The following TOGARAM1 variants were observed in gnomAD, a reference collection of about 807,000 sequenced individuals.
TOGARAM1 encodes the protein TOG array regulator of axonemal microtubules protein 1.
Under a neutral mutation model 166.6 loss-of-function variants are expected in TOGARAM1, and 100 were observed. That is an observed-to-expected ratio of 0.60 (90% CI 0.51 to 0.71). The LOEUF is 0.71. TOGARAM1 is among the 30% of genes least tolerant of loss of function. The probability of loss-of-function intolerance (pLI) is 0.00; values close to 1 mark genes in which losing one functional copy is unlikely to be tolerated. For missense variants in TOGARAM1, 2,029 were observed against 2,102.7 expected (o/e 0.96, Z 0.69); for synonymous variants, 758 against 763.8 (o/e 0.99, Z 0.13).
chr14:44,987,247 T>G (rs1215359040), intron 1 of TOGARAM1, among the ~76,000 whole-genome samples: 1 of 151,840 alleles, frequency 6.6e-6, no homozygotes, highest in Non-Finnish European at 1.5e-5. Context: ...CCATAACATT[T>G]TTTTTTCTTA....
intron 3 of TOGARAM1, among the ~76,000 whole-genome samples, chr14:45,001,301 T>C (rs964951432): frequency 6.6e-5 from 10 of 152,340 alleles, no homozygotes; most frequent in Non-Finnish European, 1.0e-4. Context: ...ATAAAACTGC[T>C]AGAAGAAAAC....
At chr14:45,042,578 T>C (rs1881780616) in intron 11 of TOGARAM1, among the ~76,000 whole-genome samples, 1 of 152,160 alleles carries the variant, frequency 6.6e-6, no homozygotes, top group African/African-American at 2.4e-5. Flanking sequence ...ATCTATATTA[T>C]AATTGTATAA....
chr14:44,981,466 G>A (rs1039399057), intron 1 of TOGARAM1, among the ~76,000 whole-genome samples: 3 of 152,306 alleles, frequency 2.0e-5, no homozygotes, highest in Middle Eastern at 3.4e-3. Flanking sequence ...GGAGTTTCAA[G>A]GAGTCATCAG....
At chr14:45,055,884 C>T (rs887566547) in intron 16 of TOGARAM1, among the ~76,000 whole-genome samples, 1 of 141,040 alleles carries the variant, frequency 7.1e-6, no homozygotes, top group Non-Finnish European at 1.5e-5. Flanking sequence ...CAGTGAGCCA[C>T]GAATTTTAGG....
At chr14:44,994,251 T>TAGG (rs1478298156) in intron 1 of TOGARAM1, among the ~76,000 whole-genome samples, 2 of 152,114 alleles carry the variant, frequency 1.3e-5, no homozygotes, top group African/African-American at 4.8e-5. Flanking sequence ...CCCGAGTAGC[T>TAGG]AGGACTACAG....
chr14:44,995,700 G>A (rs761113576), intron 1 of TOGARAM1, 46 bp from the exon 2 acceptor site: 4 of 1,346,254 alleles, frequency 3.0e-6, no homozygotes. Context: ...TTTATTACCA[G>A]GAAGAATTAA....
chr14:44,973,993 T>C (rs995717126), intron 1 of TOGARAM1, among the ~76,000 whole-genome samples: 2 of 151,852 alleles, frequency 1.3e-5, no homozygotes, highest in African/African-American at 4.8e-5. Flanking sequence ...TGCCTAGGTG[T>C]AGTTTTTCTG....
chr14:45,040,337 CTAT>C (rs1881664818), intron 11 of TOGARAM1, among the ~76,000 whole-genome samples: 1 of 152,060 alleles, frequency 6.6e-6, no homozygotes, highest in African/African-American at 2.4e-5. Flanking sequence ...AGTATAACAC[CTAT>C]ATTAGAAAAG....
chr14:45,006,398 A>T (rs1879433706), intron 5 of TOGARAM1, 131 bp downstream of exon 5: 1 of 649,084 alleles, frequency 1.5e-6, no homozygotes, highest in Non-Finnish European at 2.5e-6. Context: ...ATTATAGAAA[A>T]TGTGGAAAAT....
At chr14:45,019,987 T>C (rs1880401228) in intron 7 of TOGARAM1, among the ~76,000 whole-genome samples, 1 of 151,904 alleles carries the variant, frequency 6.6e-6, no homozygotes, top group Non-Finnish European at 1.5e-5. Flanking sequence ...GGTCCAGGGG[T>C]CTGTGGTAGA....
At chr14:45,062,470 A>G (rs1056402027) in intron 16 of TOGARAM1, among the ~76,000 whole-genome samples, 4 of 152,144 alleles carry the variant, frequency 2.6e-5, no homozygotes, top group South Asian at 4.1e-4. Flanking sequence ...TCTTTAAATT[A>G]CAGTGTTACG....
rs10145279 is a variant in TOGARAM1, at chr14:45,043,878, A to G, written c.3918+87A>G. ...TTTATTTGACCTTTAAAATTTTTAA[A>G]CAACTCTGTACCATATGATATAAAA... On this transcript the variant is annotated intron_variant, in intron 12 of 19. Coordinates refer to ENST00000361462, the MANE Select transcript of TOGARAM1 (RefSeq NM_001308120.2). 10,583 of 723,046 alleles carry G rather than the reference A, an allele frequency of 0.015. 746 individuals carry two copies. The African/African-American group carries it at 0.16, about 11-fold the overall frequency. 44.8% of individuals were successfully genotyped at this position (723,046 alleles called of 1,614,324 possible).
intron 6 of TOGARAM1, 82 bp downstream of exon 6, chr14:45,009,227 T>G: frequency 1.0e-6 from 1 of 994,476 alleles, no homozygotes; most frequent in Non-Finnish European, 1.5e-6. Context: ...TGTAAAAACT[T>G]AAAACCATTT....
intron 4 of TOGARAM1, 24 bp downstream of exon 4, chr14:45,004,390 A>G: frequency 6.3e-7 from 1 of 1,598,010 alleles, no homozygotes; most frequent in Non-Finnish European, 8.5e-7. Flanking sequence ...CTTTGTTCAA[A>G]TTTATTTGTG....
chr14:45,024,205 G>A (rs1370148863), intron 7 of TOGARAM1, among the ~76,000 whole-genome samples: 2 of 151,838 alleles, frequency 1.3e-5, no homozygotes, highest in African/African-American at 4.8e-5. Context: ...AGTTGTAATG[G>A]TCCATATCAT....
intron 1 of TOGARAM1, among the ~76,000 whole-genome samples, chr14:44,967,359 C>T (rs1414389334): frequency 6.6e-6 from 1 of 152,078 alleles, no homozygotes; most frequent in East Asian, 1.9e-4. Flanking sequence ...ACAGTAACCC[C>T]CCTCCCCCCA....
Position 44,962,713 on chromosome 14 carries a change from C to T in TOGARAM1, c.292C>T (p.Arg98Trp). Residue 98 changes from arginine to tryptophan, a missense_variant, in exon 1 of 20, where the codon CGG (arginine) becomes TGG (tryptophan). By Grantham distance (101) the Arg-to-Trp change is moderately radical. Coordinates refer to ENST00000361462, the MANE Select transcript of TOGARAM1 (RefSeq NM_001308120.2). ...GTCAGGGGGAGATGAAGAGGACACT[C>T]GGCTCCTTCAACTCCTCCGCACTGC... Reference protein sequence around the residue: ...GLSGGDEEDTRLLQLLRTARD... With the variant: ...GLSGGDEEDTWLLQLLRTARD... 1 of 1,614,084 alleles carries T rather than the reference C, an allele frequency of 6.2e-7. No homozygotes were observed. The highest frequency in any genetic ancestry group is 8.5e-7 in the Non-Finnish European group (1 of 1,180,044).
intron 1 of TOGARAM1, among the ~76,000 whole-genome samples, chr14:44,980,124 G>A (rs1031326786): frequency 2.0e-5 from 3 of 152,128 alleles, no homozygotes; most frequent in Admixed American, 6.5e-5. Flanking sequence ...ACATATTCAT[G>A]TGTCCTCCAT....
At chr14:44,968,303 A>C (rs1045934210) in intron 1 of TOGARAM1, among the ~76,000 whole-genome samples, 1 of 152,228 alleles carries the variant, frequency 6.6e-6, no homozygotes, top group African/African-American at 2.4e-5. Context: ...TCTGTCGCCC[A>C]GGCTGGAGTG....
Sources: allele counts gnomAD v4.1 joint callset (sites outside exome capture counted in the v4.1 genomes callset), GRCh38; gene constraint gnomAD v4.1.1; transcripts MANE v1.5; gene names NCBI Gene and HGNC (gene_info 2026-07-23, HGNC 2026-07-21).